The following NEGR1 variants were observed in gnomAD, a reference collection of about 807,000 sequenced individuals.
NEGR1 encodes the protein IgLON family member 4.
In NEGR1, 10 loss-of-function variants were observed where a neutral mutation model predicts 40.9. The ratio of observed to expected loss-of-function variants is 0.24; its 90% CI spans 0.15 to 0.42. The LOEUF (loss-of-function observed/expected upper bound fraction) is 0.42. Ranked by LOEUF, NEGR1 falls within the 10% of genes least tolerant of loss-of-function variation. NEGR1 has a pLI of 1.00. For missense variants in NEGR1, 352 were observed against 438.9 expected (o/e 0.80, Z 1.77); for synonymous variants, 185 against 166.8 (o/e 1.11, Z -0.84).
chr1:72,237,090 G>A (rs1375006276), intron 1 of NEGR1, among the ~76,000 whole-genome samples: 3 of 151,850 alleles, frequency 2.0e-5, no homozygotes, highest in African/African-American at 2.4e-5. Flanking sequence ...TTAAAAATAT[G>A]TTCACAAATT....
At chr1:72,252,173 T>TCGGCTCACCAC (rs1655124409) in intron 1 of NEGR1, among the ~76,000 whole-genome samples, 5 of 151,402 alleles carry the variant, frequency 3.3e-5, no homozygotes, top group African/African-American at 1.2e-4. Context: ...TGGGGCGATG[T>TCGGCTCACCAC]AGCTGGGATT....
chr1:71,606,749 T>G (rs539881006), intron 5 of NEGR1, among the ~76,000 whole-genome samples: 3 of 150,196 alleles, frequency 2.0e-5, no homozygotes, highest in African/African-American at 5.0e-5. Flanking sequence ...GGAAAGTGTT[T>G]TTTTTTTTTT....
intron 1 of NEGR1, among the ~76,000 whole-genome samples, chr1:72,125,539 T>G (rs938957183): frequency 5.3e-5 from 8 of 152,202 alleles, no homozygotes; most frequent in African/African-American, 1.9e-4. Context: ...AATCACATTA[T>G]TATGAAATGT....
At chr1:72,004,239 A>C (rs955676270) in intron 1 of NEGR1, among the ~76,000 whole-genome samples, 1 of 152,146 alleles carries the variant, frequency 6.6e-6, no homozygotes, top group East Asian at 1.9e-4. Context: ...TTAAACATAC[A>C]TGCATAGGTA....
intron 1 of NEGR1, among the ~76,000 whole-genome samples, chr1:72,091,769 A>G (rs1296059426): frequency 6.6e-6 from 1 of 152,164 alleles, no homozygotes; most frequent in African/African-American, 2.4e-5. Context: ...CTTAAACAAT[A>G]GAAACTTAAT....
chr1:72,114,462 AGAT>A (rs1182112643), intron 1 of NEGR1, among the ~76,000 whole-genome samples: 4 of 151,756 alleles, frequency 2.6e-5, no homozygotes, highest in African/African-American at 7.2e-5. Context: ...TAGATAGGAT[AGAT>A]GATAATGACA....
At chr1:71,956,921 T>G (rs991970902) in intron 1 of NEGR1, among the ~76,000 whole-genome samples, 2 of 152,152 alleles carry the variant, frequency 1.3e-5, no homozygotes, top group African/African-American at 4.8e-5. Context: ...GGGGTTTCCA[T>G]GAAACTACTT....
intron 6 of NEGR1, among the ~76,000 whole-genome samples, chr1:71,588,141 T>C (rs184169056): frequency 2.0e-5 from 3 of 152,226 alleles, no homozygotes; most frequent in Non-Finnish European, 2.9e-5. Context: ...ATTTGATGAA[T>C]TGAACCCATA....
At position 72,109,422 on chromosome 1, in the gene NEGR1, T is replaced by C. The variant is rs187452713; in HGVS notation, c.176+172897A>G. ...TACAACGGACTCATACCTTAAACTT[T>C]TTCTTTCAAAACCTACTGAGATGAG... On this transcript the variant is annotated intron_variant, in intron 1 of 6. Transcript: ENST00000357731. Among the ~76,000 whole-genome samples, 65 of 151,732 alleles carry C rather than the reference T, an allele frequency of 4.3e-4. No homozygotes were observed. In the South Asian group the frequency reaches 4.8e-3, roughly 11 times the overall value.
rs562522525 is a variant in NEGR1, at chr1:71,725,096, T to C, written c.536-26957A>G. ...TATATTCTTGTCAATTATTTGGTTA[T>C]TTCATTGCAAGAGAAAATCTGGTAT... On this transcript the variant is annotated intron_variant, in intron 3 of 6. Coordinates refer to ENST00000357731, the MANE Select transcript of NEGR1 (RefSeq NM_173808.3). Among the ~76,000 whole-genome samples, 7 of 152,286 alleles carry C rather than the reference T, an allele frequency of 4.6e-5. No individual in the cohort carries two copies. In the East Asian group the frequency reaches 1.4e-3, roughly 29 times the overall value.
chr1:71,432,681 A>T (rs1339262723), intron 6 of NEGR1, among the ~76,000 whole-genome samples: 1 of 152,234 alleles, frequency 6.6e-6, no homozygotes, highest in African/African-American at 2.4e-5. Context: ...GATCATTTCA[A>T]TTCCAAAGAT....
At chr1:72,029,059 C>T (rs944138993) in intron 1 of NEGR1, among the ~76,000 whole-genome samples, 42 of 152,172 alleles carry the variant, frequency 2.8e-4, no homozygotes, top group African/African-American at 8.4e-4. Flanking sequence ...AAACAAGATA[C>T]CAGATCAACC....
At chr1:71,655,763 G>A (rs558570883) in intron 4 of NEGR1, among the ~76,000 whole-genome samples, 1 of 152,274 alleles carries the variant, frequency 6.6e-6, no homozygotes, top group Admixed American at 6.5e-5. Context: ...AGAAGATACT[G>A]AGAAGTTTAT....
chr1:71,438,104 C>T (rs1046193180), intron 6 of NEGR1, among the ~76,000 whole-genome samples: 7 of 152,144 alleles, frequency 4.6e-5, no homozygotes, highest in African/African-American at 1.7e-4. Context: ...TTGAGAGTTT[C>T]AACAGTAACA....
intron 3 of NEGR1, among the ~76,000 whole-genome samples, chr1:71,744,201 G>T (rs1463847253): frequency 6.6e-6 from 1 of 151,156 alleles, no homozygotes; most frequent in Non-Finnish European, 1.5e-5. Context: ...GTAAAGCTCA[G>T]GGTCCAAATC....
chr1:71,750,430 T>C (rs1284188219), intron 3 of NEGR1, among the ~76,000 whole-genome samples: 1 of 152,224 alleles, frequency 6.6e-6, no homozygotes, highest in Non-Finnish European at 1.5e-5. Context: ...GTTTTCATCC[T>C]GCTGGTAAAG....
intron 2 of NEGR1, among the ~76,000 whole-genome samples, chr1:71,825,535 G>T (rs527397040): frequency 1.3e-5 from 2 of 151,768 alleles, no homozygotes; most frequent in Non-Finnish European, 2.9e-5. Context: ...TAGCATAAAA[G>T]GGCAATATAA....
intron 3 of NEGR1, among the ~76,000 whole-genome samples, chr1:71,702,370 T>C (rs538087608): frequency 6.6e-6 from 1 of 152,160 alleles, no homozygotes; most frequent in Admixed American, 6.5e-5. Flanking sequence ...TAGGGTGTTA[T>C]GCTGTCATAA....
intron 1 of NEGR1, among the ~76,000 whole-genome samples, chr1:72,210,869 C>T (rs916513891): frequency 6.6e-6 from 1 of 151,766 alleles, no homozygotes; most frequent in Non-Finnish European, 1.5e-5. Flanking sequence ...GTTTGAGATT[C>T]CATACTGTAA....
Sources: allele counts gnomAD v4.1 joint callset (sites outside exome capture counted in the v4.1 genomes callset), GRCh38; gene constraint gnomAD v4.1.1; transcripts MANE v1.5; gene names NCBI Gene and HGNC (gene_info 2026-07-23, HGNC 2026-07-21).